NTM: variants seen among roughly 807,000 people sequenced by gnomAD.
The protein encoded by NTM is IgLON family member 2.
A neutral mutation model predicts 42.1 loss-of-function variants in NTM; 13 were observed. That is an observed-to-expected ratio of 0.31 (90% CI 0.20 to 0.49). The LOEUF is 0.49. NTM is among the 20% of genes least tolerant of loss of function. The pLI is 0.99. For synonymous variants in NTM, 187 were observed against 179.2 expected, an observed-to-expected ratio of 1.04 and a Z score of -0.35; for missense variants, 373 against 452.8, an observed-to-expected ratio of 0.82 and a Z score of 1.60.
At chr11:131,422,638 C>A (rs1311948945) in intron 1 of NTM, among the ~76,000 whole-genome samples, 1 of 152,210 alleles carries the variant, frequency 6.6e-6, no homozygotes, top group Non-Finnish European at 1.5e-5. Flanking sequence ...CACTTCTAGA[C>A]AACTATCTGG....
intron 2 of NTM, among the ~76,000 whole-genome samples, chr11:132,001,272 G>T (rs542599637): frequency 5.4e-4 from 82 of 152,314 alleles, no homozygotes; most frequent in African/African-American, 1.7e-3. Context: ...ATGATGCAAA[G>T]ATGGTATCTT....
At chr11:131,802,165 G>T (rs1292526180) in intron 1 of NTM, among the ~76,000 whole-genome samples, 5 of 152,142 alleles carry the variant, frequency 3.3e-5, no homozygotes, top group African/African-American at 1.2e-4. Flanking sequence ...CTAAATTAGA[G>T]AATCATAGAC....
intron 2 of NTM, among the ~76,000 whole-genome samples, chr11:131,988,304 G>A (rs1285238849): frequency 6.6e-6 from 1 of 152,182 alleles, no homozygotes; most frequent in African/African-American, 2.4e-5. Flanking sequence ...CTGTAGCATT[G>A]AAGGTTATTG....
chr11:131,935,010 G>T (rs1045630519), intron 2 of NTM, among the ~76,000 whole-genome samples: 1 of 152,186 alleles, frequency 6.6e-6, no homozygotes, highest in African/African-American at 2.4e-5. Flanking sequence ...AGCCTCAGAA[G>T]TGGACACTGC....
chr11:131,715,037 C>T (rs916498971), intron 1 of NTM, among the ~76,000 whole-genome samples: 6 of 152,158 alleles, frequency 3.9e-5, no homozygotes, highest in African/African-American at 1.4e-4. Flanking sequence ...TGAAATTGTG[C>T]TTGGTGCTCC....
intron 3 of NTM, among the ~76,000 whole-genome samples, chr11:132,201,687 T>C (rs2081177933): frequency 6.6e-6 from 1 of 152,266 alleles, no homozygotes; most frequent in Non-Finnish European, 1.5e-5. Flanking sequence ...GGTTGGTTTT[T>C]ACAGCAAACA....
chr11:132,041,016 G>A (rs1023379553), intron 2 of NTM, among the ~76,000 whole-genome samples: 1 of 152,188 alleles, frequency 6.6e-6, no homozygotes, highest in African/African-American at 2.4e-5. Flanking sequence ...TCCAGTAGAT[G>A]TCCAGTAAAT....
chr11:131,995,333 G>A (rs911042503), intron 2 of NTM, among the ~76,000 whole-genome samples: 1 of 152,188 alleles, frequency 6.6e-6, no homozygotes, highest in Non-Finnish European at 1.5e-5. Flanking sequence ...TGATGGGACT[G>A]CCATTCTACT....
chr11:131,954,810 T>TA (rs1371428322), intron 2 of NTM, among the ~76,000 whole-genome samples: 1 of 152,188 alleles, frequency 6.6e-6, no homozygotes, highest in East Asian at 1.9e-4. Flanking sequence ...ATTTTTCATT[T>TA]AAAAAAATGA....
chr11:131,715,236 G>A (rs1298882495), intron 1 of NTM, among the ~76,000 whole-genome samples: 1 of 152,172 alleles, frequency 6.6e-6, no homozygotes. Flanking sequence ...ATAAATAGAA[G>A]GAGCTACAGA....
chr11:132,330,550 C>G (rs2095783783), intron 8 of NTM, among the ~76,000 whole-genome samples: 1 of 152,190 alleles, frequency 6.6e-6, no homozygotes, highest in South Asian at 2.1e-4. Flanking sequence ...GCATGCTGCC[C>G]TTGCTTGCAC....
intron 1 of NTM, chr11:131,794,739 A>G (rs900584560): frequency 8.1e-6 from 8 of 985,340 alleles, no homozygotes; most frequent in Non-Finnish European, 9.6e-6. Flanking sequence ...TAGCTTGTGT[A>G]GGACTTAGAA....
chr11:131,928,037 T>C (rs1020385364), intron 2 of NTM, among the ~76,000 whole-genome samples: 12 of 152,236 alleles, frequency 7.9e-5, no homozygotes, highest in African/African-American at 2.4e-5. Context: ...TCTGAGCCTT[T>C]GTTTTTTTTT....
chr11:131,821,372 T>C (rs574489345), intron 1 of NTM, among the ~76,000 whole-genome samples: 1 of 152,332 alleles, frequency 6.6e-6, no homozygotes, highest in South Asian at 2.1e-4. Flanking sequence ...GTGTGAAAAG[T>C]ACTGTGTGAT....
chr11:131,410,414 A>T (rs1946253643), intron 1 of NTM, among the ~76,000 whole-genome samples: 1 of 148,254 alleles, frequency 6.7e-6, no homozygotes, highest in Non-Finnish European at 1.5e-5. Flanking sequence ...TGAACCCAGG[A>T]GTTTGAGGTT....
chr11:131,727,328 G>T (rs1290171729), intron 1 of NTM, among the ~76,000 whole-genome samples: 1 of 152,148 alleles, frequency 6.6e-6, no homozygotes, highest in Non-Finnish European at 1.5e-5. Flanking sequence ...AAAAGTGGGG[G>T]ACAAAAGGAA....
chr11:131,472,930 C>T (rs996591316), intron 1 of NTM, among the ~76,000 whole-genome samples: 1 of 152,048 alleles, frequency 6.6e-6, no homozygotes, highest in Non-Finnish European at 1.5e-5. Context: ...ACCACATTGA[C>T]TAATTACTCC....
intron 2 of NTM, among the ~76,000 whole-genome samples, chr11:132,137,666 G>A (rs73593378): frequency 0.014 from 2,202 of 152,254 alleles, 43 homozygotes; most frequent in African/African-American, 0.05. Context: ...CCACGAACAG[G>A]AAGGCACTGT....
intron 1 of NTM, among the ~76,000 whole-genome samples, chr11:131,689,305 C>T (rs2074357250): frequency 6.6e-6 from 1 of 152,196 alleles, no homozygotes; most frequent in African/African-American, 2.4e-5. Context: ...CCTCCCCACC[C>T]AGTATTGCCC....
Sources: allele counts gnomAD v4.1 joint callset (sites outside exome capture counted in the v4.1 genomes callset), GRCh38; gene constraint gnomAD v4.1.1; transcripts MANE v1.5; gene names NCBI Gene and HGNC (gene_info 2026-07-23, HGNC 2026-07-21).